The following DKK2 variants were observed in gnomAD, a reference collection of about 807,000 sequenced individuals.
DKK2 encodes dickkopf Wnt signaling pathway inhibitor 2.
DKK2 carries 11 observed loss-of-function variants against 28.1 expected under a neutral mutation model. The ratio of observed to expected loss-of-function variants is 0.39; its 90% CI spans 0.25 to 0.65. The LOEUF (loss-of-function observed/expected upper bound fraction) is 0.65, where lower values mean the gene tolerates loss of function less well. Ranked by LOEUF, DKK2 falls within the 30% of genes least tolerant of loss-of-function variation. The pLI is 0.47. For synonymous variants in DKK2, 135 were observed against 126.5 expected, an observed-to-expected ratio of 1.07 and a Z score of -0.45; for missense variants, 326 against 335.5, an observed-to-expected ratio of 0.97 and a Z score of 0.22.
intron 1 of DKK2, among the ~76,000 whole-genome samples, chr4:107,001,419 C>T (rs1018809578): frequency 3.3e-5 from 5 of 152,102 alleles, no homozygotes; most frequent in African/African-American, 1.2e-4. Flanking sequence ...TTGGGCAATC[C>T]TAAAGGCTTT....
intron 1 of DKK2, among the ~76,000 whole-genome samples, chr4:107,011,615 T>G (rs1723518666): frequency 6.6e-6 from 1 of 151,416 alleles, no homozygotes; most frequent in African/African-American, 2.4e-5. Context: ...TATTCGAGAG[T>G]CAACATGTAA....
intron 1 of DKK2, among the ~76,000 whole-genome samples, chr4:107,006,961 A>G (rs1243567464): frequency 6.6e-6 from 1 of 152,112 alleles, no homozygotes; most frequent in Non-Finnish European, 1.5e-5. Context: ...CATGTCGAAC[A>G]TCGATAGACT....
intron 1 of DKK2, among the ~76,000 whole-genome samples, chr4:106,987,323 C>T (rs1182788891): frequency 3.3e-5 from 5 of 152,164 alleles, no homozygotes; most frequent in Non-Finnish European, 7.3e-5. Context: ...AACATATATA[C>T]TGTCACTGTG....
chr4:106,991,937 G>A (rs1723211224), intron 1 of DKK2, among the ~76,000 whole-genome samples: 1 of 152,064 alleles, frequency 6.6e-6, no homozygotes, highest in African/African-American at 2.4e-5. Context: ...TTCCTATTCT[G>A]TCTTTTGCGT....
intron 1 of DKK2, among the ~76,000 whole-genome samples, chr4:107,003,715 A>T (rs570121382): frequency 1.2e-4 from 18 of 152,376 alleles, no homozygotes; most frequent in Admixed American, 5.2e-4. Flanking sequence ...CGGCAGCAAC[A>T]TATCATCAGT....
At chr4:106,956,105 T>C (rs1238057055) in intron 1 of DKK2, among the ~76,000 whole-genome samples, 1 of 152,144 alleles carries the variant, frequency 6.6e-6, no homozygotes, top group Non-Finnish European at 1.5e-5. Flanking sequence ...ATACAGTAAT[T>C]CCAAATGCTA....
chr4:106,931,579 C>T (rs1030601486), intron 1 of DKK2, among the ~76,000 whole-genome samples: 23 of 152,002 alleles, frequency 1.5e-4, no homozygotes, highest in African/African-American at 5.6e-4. Context: ...ATTAATTAAA[C>T]ATTTTCTAAG....
chr4:106,954,908 C>A (rs1722567532), intron 1 of DKK2, among the ~76,000 whole-genome samples: 1 of 152,150 alleles, frequency 6.6e-6, no homozygotes, highest in Non-Finnish European at 1.5e-5. Context: ...AAACAGAACG[C>A]TTTATCTGTA....
chr4:107,015,429 T>C (rs756231557), intron 1 of DKK2, among the ~76,000 whole-genome samples: 1 of 151,634 alleles, frequency 6.6e-6, no homozygotes, highest in Non-Finnish European at 1.5e-5. Flanking sequence ...TATTGATTTA[T>C]AGGATTTTGT....
At chr4:107,029,028 G>A (rs540382931) in intron 1 of DKK2, among the ~76,000 whole-genome samples, 145 of 152,176 alleles carry the variant, frequency 9.5e-4, no homozygotes, top group Non-Finnish European at 1.6e-3. Context: ...GAGGACGGGG[G>A]GCAAGTAGAG....
intron 1 of DKK2, among the ~76,000 whole-genome samples, chr4:106,977,492 T>TAA (rs1722962813): frequency 1.3e-5 from 2 of 152,338 alleles, no homozygotes; most frequent in African/African-American, 4.8e-5. Flanking sequence ...ATTACTTTGA[T>TAA]GTTCAATCTC....
rs1724349455 is a variant in DKK2 at position 106,921,967 on chromosome 4, A to C, written c.*1987T>G. ...ACATTTCCTGTAAATAAATTACTTCAAATAATAATTTTTAAAAGGGTGGAC... is the reference window on the plus strand; with the variant it reads ...ACATTTCCTGTAAATAAATTACTTCCAATAATAATTTTTAAAAGGGTGGAC... On this transcript the variant is annotated 3_prime_UTR_variant, in exon 4 of 4. Coordinates refer to ENST00000285311, the MANE Select transcript of DKK2 (RefSeq NM_014421.3). 1 of 152,628 alleles carries C rather than the reference A, an allele frequency of 6.6e-6. No individual in the cohort carries two copies. Among genetic ancestry groups the C allele is most frequent in the African/African-American group, 2.4e-5 (1 of 41,460 alleles). The allele number at this position is 152,628 out of a possible 1,614,324, so 9.5% of individuals were successfully genotyped here. A position where few individuals can be genotyped will look rare whatever the true frequency, so the allele number is the denominator to read the frequency against.
intron 1 of DKK2, among the ~76,000 whole-genome samples, chr4:106,976,543 CA>C (rs1722948559): frequency 6.6e-6 from 1 of 152,230 alleles, no homozygotes; most frequent in East Asian, 1.9e-4. Context: ...TCTGTTTTAT[CA>C]GAGACTAGGA....
chr4:106,991,159 A>AT (rs1212132718), intron 1 of DKK2, among the ~76,000 whole-genome samples: 2 of 152,178 alleles, frequency 1.3e-5, no homozygotes, highest in Non-Finnish European at 2.9e-5. Context: ...CAATAATGTA[A>AT]TTATTCAGTA....
At chr4:106,986,296 A>G (rs565506666) in intron 1 of DKK2, among the ~76,000 whole-genome samples, 16 of 152,216 alleles carry the variant, frequency 1.1e-4, no homozygotes, top group Non-Finnish European at 1.8e-4. Context: ...TTTTATAAAT[A>G]TTTTGCTTTT....
chr4:106,987,333 G>A (rs964783654), intron 1 of DKK2, among the ~76,000 whole-genome samples: 3 of 152,154 alleles, frequency 2.0e-5, no homozygotes, highest in African/African-American at 7.2e-5. Context: ...CTGTCACTGT[G>A]TGTGCCTTGG....
intron 1 of DKK2, among the ~76,000 whole-genome samples, chr4:107,022,175 A>G (rs1014380583): frequency 1.3e-5 from 2 of 152,254 alleles, no homozygotes; most frequent in Non-Finnish European, 2.9e-5. Flanking sequence ...AAACAGAATC[A>G]AGAACTAGAC....
chr4:107,014,303 G>C (rs1203169264), intron 1 of DKK2, among the ~76,000 whole-genome samples: 1 of 151,522 alleles, frequency 6.6e-6, no homozygotes, highest in African/African-American at 2.4e-5. Flanking sequence ...ATACTATTGA[G>C]CTATATAAAG....
rs145501898 is a variant in DKK2, at chr4:106,922,500, C to G, written c.*1454G>C. The G allele has an allele frequency of 6.6e-6, 1 of 152,092 alleles. No homozygotes were observed. The highest frequency in any genetic ancestry group is 6.6e-5 in the Admixed American group (1 of 15,248). The allele number at this position is 152,092 out of a possible 1,614,324, so 9.4% of individuals were successfully genotyped here. On this transcript the variant is annotated 3_prime_UTR_variant, in exon 4 of 4. Transcript: ENST00000285311. ...AGTTATCCTACTTATATTTTTTAAC[C>G]GCAATGGCTGCAGAAAACCGAAACT... is the stretch of plus-strand genomic sequence containing the variant.
Sources: allele counts gnomAD v4.1 joint callset (sites outside exome capture counted in the v4.1 genomes callset), GRCh38; gene constraint gnomAD v4.1.1; transcripts MANE v1.5; gene names NCBI Gene and HGNC (gene_info 2026-07-23, HGNC 2026-07-21).